The following FAAH2 variants were observed in gnomAD, a reference collection of about 807,000 sequenced individuals.
FAAH2 encodes the protein fatty acid amide hydrolase 2.
FAAH2 carries 60 observed loss-of-function variants against 36.9 expected under a neutral mutation model. The observed-to-expected ratio is 1.63, with a 90% confidence interval of 1.32 to 2.02. The LOEUF (loss-of-function observed/expected upper bound fraction) is 2.02. FAAH2 is among the 30% of genes most tolerant of loss of function. The pLI, the probability that FAAH2 is intolerant of heterozygous loss-of-function variation, is 0.00. For synonymous variants in FAAH2, 214 were observed against 143.8 expected (o/e 1.49, Z -3.49); for missense variants, 689 against 397.5 (o/e 1.73, Z -6.23).
intron 7 of FAAH2, among the ~76,000 whole-genome samples, chrX:57,411,547 G>T (rs774392141): frequency 2.1e-4 from 23 of 111,519 alleles, no homozygotes; most frequent in Admixed American, 2.0e-3. Flanking sequence ...ACTGATTATT[G>T]TGTATTGCAT....
At chrX:57,150,046 C>A in the FAAH2 span, among the ~76,000 whole-genome samples, 1 of 112,015 alleles carries the variant, frequency 8.9e-6, no homozygotes, top group South Asian at 3.7e-4. Context: ...GCAGGTTGTT[C>A]AGTTTACATG....
chrX:57,268,220 G>A, the FAAH2 span, among the ~76,000 whole-genome samples: 1 of 111,839 alleles, frequency 8.9e-6, no homozygotes, highest in Admixed American at 9.5e-5. Flanking sequence ...AGTATTAACA[G>A]CAGAATAGAC....
chrX:57,241,359 C>T, the FAAH2 span, among the ~76,000 whole-genome samples: 1 of 111,617 alleles, frequency 9.0e-6, no homozygotes, highest in African/African-American at 3.3e-5. Flanking sequence ...AAACAAACAG[C>T]CTATGGAAAG....
At chrX:57,426,181 A>C (rs1246852805) in intron 7 of FAAH2, among the ~76,000 whole-genome samples, 1 of 112,151 alleles carries the variant, frequency 8.9e-6, no homozygotes, top group Non-Finnish European at 1.9e-5. Flanking sequence ...ACAGTAAAAA[A>C]AGGTCAGTAT....
the FAAH2 span, among the ~76,000 whole-genome samples, chrX:57,164,626 T>C: frequency 1.3e-4 from 15 of 112,385 alleles, no homozygotes; most frequent in East Asian, 3.6e-3. Context: ...CAGGAAATGA[T>C]TCAAATGCAC....
At chrX:57,209,186 C>A in the FAAH2 span, among the ~76,000 whole-genome samples, 1 of 111,584 alleles carries the variant, frequency 9.0e-6, no homozygotes, top group South Asian at 3.8e-4. Flanking sequence ...GCTGAACTGG[C>A]ACCTCAGGTA....
chrX:57,292,182 A>T (rs1274455369), intron 1 of FAAH2, among the ~76,000 whole-genome samples: 1 of 111,454 alleles, frequency 9.0e-6, no homozygotes, highest in East Asian at 2.8e-4. Context: ...CTAGAACAAA[A>T]TATTTGCTAG....
intron 3 of FAAH2, among the ~76,000 whole-genome samples, chrX:57,325,569 A>G (rs1275664383): frequency 1.9e-5 from 2 of 107,681 alleles, no homozygotes; most frequent in East Asian, 2.9e-4. Context: ...TAGTCTTGGG[A>G]CAGTGTAGGT....
chrX:57,169,031 G>A, the FAAH2 span, among the ~76,000 whole-genome samples: 1 of 111,111 alleles, frequency 9.0e-6, no homozygotes, highest in Non-Finnish European at 1.9e-5. Flanking sequence ...TTGGTTTCTG[G>A]TAGGGCTTCT....
chrX:57,260,541 CAAA>C, the FAAH2 span, among the ~76,000 whole-genome samples: 1 of 111,492 alleles, frequency 9.0e-6, no homozygotes, highest in Admixed American at 9.6e-5. Flanking sequence ...AATTATAAAA[CAAA>C]AGATCAATAT....
Position 57,410,088 on chromosome X carries a change from T to C in FAAH2, c.997-21830T>C, listed in dbSNP as rs1458719546. On this transcript the variant is annotated intron_variant, in intron 7 of 10. Coordinates refer to ENST00000374900, the MANE Select transcript of FAAH2 (RefSeq NM_174912.4). ...TGTGTTGTGTTTTTGTTTTCATTTG[T>C]CCAAGATTTTTTTTTAATTTCCTTT... is the stretch of plus-strand genomic sequence containing the variant. Among the ~76,000 whole-genome samples, 3 of 111,328 alleles carry C rather than the reference T, an allele frequency of 2.7e-5. No homozygotes were observed. The East Asian group carries it at 8.4e-4, about 31-fold the overall frequency.
chrX:57,244,168 A>C, the FAAH2 span, among the ~76,000 whole-genome samples: 7 of 108,962 alleles, frequency 6.4e-5, no homozygotes, highest in South Asian at 2.4e-3. Flanking sequence ...CATCATAATG[A>C]AATAAAGCGT....
the FAAH2 span, among the ~76,000 whole-genome samples, chrX:57,252,259 C>A: frequency 5.3e-4 from 60 of 112,871 alleles, no homozygotes; most frequent in African/African-American, 1.6e-3. Flanking sequence ...GCAGAGCCCA[C>A]CGCAGCTCAG....
chrX:57,456,100 C>A (rs1297670966), intron 10 of FAAH2, among the ~76,000 whole-genome samples: 1 of 111,861 alleles, frequency 8.9e-6, no homozygotes, highest in Non-Finnish European at 1.9e-5. Flanking sequence ...CCATACCAAG[C>A]AAACTCTCAG....
the FAAH2 span, among the ~76,000 whole-genome samples, chrX:57,181,147 G>A: frequency 2.4e-4 from 27 of 111,476 alleles, no homozygotes; most frequent in African/African-American, 7.5e-4. Flanking sequence ...TGAGAGTCAC[G>A]TATGAAAAAC....
chrX:57,465,534 A>G, intron 10 of FAAH2, among the ~76,000 whole-genome samples: 1 of 112,000 alleles, frequency 8.9e-6, no homozygotes, highest in Middle Eastern at 4.6e-3. Context: ...CAGTGAGATG[A>G]TATTTTTAAA....
chrX:57,356,121 A>G (rs1246308633), intron 5 of FAAH2, among the ~76,000 whole-genome samples: 1 of 110,678 alleles, frequency 9.0e-6, no homozygotes, highest in Non-Finnish European at 1.9e-5. Flanking sequence ...TTCCAGCAAT[A>G]CATTTTACAT....
chrX:57,124,339 C>T, the FAAH2 span, among the ~76,000 whole-genome samples: 4 of 111,313 alleles, frequency 3.6e-5, no homozygotes, highest in South Asian at 7.5e-4. Context: ...TTTCTGAGGG[C>T]TCTGTTCTGT....
chrX:57,130,574 TTTAG>T, the FAAH2 span, among the ~76,000 whole-genome samples: 3 of 112,313 alleles, frequency 2.7e-5, no homozygotes, highest in African/African-American at 9.7e-5. Flanking sequence ...TTTAGTGATT[TTTAG>T]TTAAAGAGTT....
Sources: gnomAD v4.1 joint callset for allele counts (sites outside exome capture counted in the v4.1 genomes callset) on GRCh38, gnomAD v4.1.1 for gene constraint, MANE v1.5 for transcripts, NCBI Gene and HGNC (gene_info 2026-07-23, HGNC 2026-07-21) for gene names.